NAAA: variants seen among roughly 807,000 people sequenced by gnomAD.
NAAA encodes N-acylethanolamine acid amidase, also known as N-acylethanolamine-hydrolyzing acid amidase.
A neutral mutation model predicts 44.8 loss-of-function variants in NAAA; 39 were observed. The ratio of observed to expected loss-of-function variants is 0.87; its 90% CI spans 0.67 to 1.14. The LOEUF (loss-of-function observed/expected upper bound fraction) is 1.14. Ranked by LOEUF, NAAA falls within the 50% of genes most tolerant of loss-of-function variation. The pLI is 0.00. For missense variants in NAAA, 460 were observed against 467.8 expected, an observed-to-expected ratio of 0.98 and a Z score of 0.15; for synonymous variants, 178 against 191.3, an observed-to-expected ratio of 0.93 and a Z score of 0.58.
chr4:75,937,211 G>A (rs1017975919), intron 2 of NAAA, among the ~76,000 whole-genome samples: 1 of 152,140 alleles, frequency 6.6e-6, no homozygotes, highest in African/African-American at 2.4e-5. Flanking sequence ...ATGAGGTCAG[G>A]AGTTTGAGAC....
At chr4:75,937,582 C>G (rs932273132) in intron 2 of NAAA, among the ~76,000 whole-genome samples, 7 of 152,174 alleles carry the variant, frequency 4.6e-5, no homozygotes, top group Non-Finnish European at 8.8e-5. Context: ...ACTTCCCGGG[C>G]TGAAGCGATC....
chr4:75,916,734 T>C (rs1016388567), intron 9 of NAAA, among the ~76,000 whole-genome samples: 8 of 150,878 alleles, frequency 5.3e-5, no homozygotes, highest in Non-Finnish European at 1.2e-4. Flanking sequence ...TAAATGTAAC[T>C]ATTTTATTAT....
intron 2 of NAAA, among the ~76,000 whole-genome samples, chr4:75,937,543 T>C (rs1156324212): frequency 6.6e-6 from 1 of 152,208 alleles, no homozygotes. Flanking sequence ...TGGAGTGCAG[T>C]GGTGCAATGT....
At chr4:75,924,954 C>G (rs1726521258) in intron 5 of NAAA, among the ~76,000 whole-genome samples, 2 of 151,998 alleles carry the variant, frequency 1.3e-5, no homozygotes, top group South Asian at 4.2e-4. Flanking sequence ...AAGGTAGGGC[C>G]CCTGTCTCCC....
intron 3 of NAAA, chr4:75,934,843 A>T (rs960866532): frequency 1.3e-5 from 2 of 152,206 alleles, no homozygotes; most frequent in African/African-American, 4.8e-5. Context: ...ATTTCATGGG[A>T]ACTCCAGGAA....
intron 8 of NAAA, chr4:75,919,655 T>C (rs1725963109): frequency 7.3e-6 from 4 of 547,412 alleles, no homozygotes; most frequent in Non-Finnish European, 1.3e-5. Context: ...ATTTTTTGTA[T>C]TTTTAGTAGA....
In NAAA at chr4:75,914,879, C is replaced by T. The variant is rs749888856; in HGVS notation, c.*25G>A. The stretch of plus-strand genomic sequence containing the variant: ...CAGTAACAACAAACCTTTCACAGCA[C>T]GGGCGAACTCGCTCTTCTGCTGACT... On this transcript the variant is annotated 3_prime_UTR_variant, in exon 10 of 11. Transcript: ENST00000286733. 2.4e-5 allele frequency: 38 copies of T among 1,612,956 alleles called. No homozygotes were observed. The highest frequency in any genetic ancestry group is 3.1e-5 in the Non-Finnish European group (36 of 1,179,190).
intron 3 of NAAA, 184 bp downstream of exon 3, chr4:75,935,925 A>G (rs1346971939): frequency 2.2e-5 from 15 of 673,298 alleles, no homozygotes; most frequent in Non-Finnish European, 3.7e-5. Flanking sequence ...AATAAATAAT[A>G]AATGACCGTC....
chr4:75,912,910 T>C (rs769957147), downstream of NAAA, among the ~76,000 whole-genome samples: 4 of 152,210 alleles, frequency 2.6e-5, no homozygotes, highest in Non-Finnish European at 5.9e-5. Context: ...ACGGTATTTA[T>C]ACGACACTGT....
downstream of NAAA, among the ~76,000 whole-genome samples, chr4:75,911,525 G>C (rs1725323752): frequency 6.6e-6 from 1 of 152,172 alleles, no homozygotes; most frequent in African/African-American, 2.4e-5. Flanking sequence ...GAAGGGGGTT[G>C]CTGATTGGGG....
chr4:75,931,118 G>A, intron 4 of NAAA, 96 bp downstream of exon 4: 1 of 899,464 alleles, frequency 1.1e-6, no homozygotes, highest in Non-Finnish European at 1.7e-6. Flanking sequence ...CCACATAGTG[G>A]GTGTTCTGTA....
intron 9 of NAAA, chr4:75,917,515 A>G (rs961444693): frequency 3.2e-5 from 5 of 157,448 alleles, no homozygotes; most frequent in African/African-American, 1.2e-4. Context: ...CCCAGGCTAG[A>G]CTGCCATGGC....
At chr4:75,915,784 C>G (rs757694963) in intron 9 of NAAA, among the ~76,000 whole-genome samples, 7 of 152,164 alleles carry the variant, frequency 4.6e-5, no homozygotes, top group Non-Finnish European at 1.0e-4. Flanking sequence ...TCCACCTTGC[C>G]CAGATCTAAG....
intron 9 of NAAA, 121 bp downstream of exon 9, chr4:75,918,640 C>T: frequency 1.0e-6 from 1 of 1,005,008 alleles, no homozygotes. Context: ...AGTGCCCCCA[C>T]AGGAGTGCCC....
chr4:75,932,416 C>T (rs936811396), intron 3 of NAAA, among the ~76,000 whole-genome samples: 1 of 152,010 alleles, frequency 6.6e-6, no homozygotes, highest in Non-Finnish European at 1.5e-5. Context: ...CACAACTATC[C>T]CATGAATTAT....
At chr4:75,929,490 C>T (rs1390602389) in intron 4 of NAAA, among the ~76,000 whole-genome samples, 2 of 152,156 alleles carry the variant, frequency 1.3e-5, no homozygotes, top group Admixed American at 1.3e-4. Context: ...TGTAGACTAA[C>T]TTGGTTATTT....
At chr4:75,930,623 C>T (rs1429920654) in intron 4 of NAAA, 4 of 395,428 alleles carry the variant, frequency 1.0e-5, no homozygotes, top group African/African-American at 2.1e-5. Flanking sequence ...CCTAAAACAA[C>T]CCAATCTCTA....
At chr4:75,912,425 A>G (rs1477497924), downstream of NAAA, among the ~76,000 whole-genome samples, 2 of 151,984 alleles carry the variant, frequency 1.3e-5, no homozygotes, top group African/African-American at 4.8e-5. Flanking sequence ...ATGGTGGCAC[A>G]CGCCTGTAAT....
rs893881132 is a variant in NAAA at position 75,939,166 on chromosome 4, T to C, written c.371+835A>G. ...CCGCGCCCAGCCTGGATGCACATTT[T>C]ATCATGCCCACTTCCCGGTCCAAAC... is the stretch of plus-strand genomic sequence containing the variant. On this transcript the variant is annotated intron_variant, in intron 2 of 10. Coordinates refer to ENST00000286733, the MANE Select transcript of NAAA (RefSeq NM_014435.4). Among the ~76,000 whole-genome samples the C allele has an allele frequency of 9.9e-5, 15 of 152,266 alleles. No homozygotes were observed. In the East Asian group the frequency reaches 1.9e-3, roughly 20 times the overall value.
Sources: allele counts gnomAD v4.1 joint callset (sites outside exome capture counted in the v4.1 genomes callset), GRCh38; gene constraint gnomAD v4.1.1; transcripts MANE v1.5; gene names NCBI Gene and HGNC (gene_info 2026-07-23, HGNC 2026-07-21).